MRPS27: variants seen among roughly 807,000 people sequenced by gnomAD.
The protein encoded by MRPS27 is mitochondrial ribosomal protein S27.
MRPS27 carries 43 observed loss-of-function variants against 48.9 expected under a neutral mutation model. That is an observed-to-expected ratio of 0.88 (90% CI 0.69 to 1.13). The LOEUF (loss-of-function observed/expected upper bound fraction) is 1.13. MRPS27 is among the 50% of genes most tolerant of loss of function. MRPS27 has a pLI of 0.00. For missense variants in MRPS27, 467 were observed against 476.3 expected (o/e 0.98, Z 0.18); for synonymous variants, 188 against 171.9 (o/e 1.09, Z -0.73).
intron 4 of MRPS27, among the ~76,000 whole-genome samples, chr5:72,290,220 G>C (rs1018159101): frequency 6.6e-6 from 1 of 152,122 alleles, no homozygotes; most frequent in Non-Finnish European, 1.5e-5. Flanking sequence ...GGAAAGCTCA[G>C]AACTACAGAC....
At chr5:72,279,647 A>G (rs2112031122) in intron 4 of MRPS27, among the ~76,000 whole-genome samples, 1 of 152,292 alleles carries the variant, frequency 6.6e-6, no homozygotes, top group African/African-American at 2.4e-5. Flanking sequence ...ATTCTGAATC[A>G]TGGAAGACAA....
At position 72,230,723 on chromosome 5, in the gene MRPS27, A is replaced by G. The variant is rs57598652; in HGVS notation, c.591+1720T>C. 8.7e-3 allele frequency among the ~76,000 whole-genome samples: 1,329 copies of G among 152,216 alleles called. 28 individuals carry two copies. The highest frequency in any genetic ancestry group is 0.029 in the African/African-American group (1,209 of 41,548). ...AATCTCGTGACTGTCTCAATTTCAA[A>G]ATGCAACATGTTCAGAGTCACATTA... is the stretch of plus-strand genomic sequence containing the variant. On this transcript the variant is annotated intron_variant, in intron 7 of 10. Transcript: ENST00000261413.
At chr5:72,243,322 TACTC>T (rs996677329) in intron 4 of MRPS27, among the ~76,000 whole-genome samples, 54 of 152,332 alleles carry the variant, frequency 3.5e-4, no homozygotes, top group Admixed American at 1.8e-3. Context: ...CAATCACTGC[TACTC>T]ACTTTCTCAT....
chr5:72,235,318 A>G (rs1478509784), intron 5 of MRPS27, among the ~76,000 whole-genome samples: 1 of 152,172 alleles, frequency 6.6e-6, no homozygotes, highest in African/African-American at 2.4e-5. Context: ...TTCTCAACCC[A>G]GGCTGCAAAT....
chr5:72,254,101 TC>T (rs1366734275), intron 4 of MRPS27, among the ~76,000 whole-genome samples: 2 of 152,296 alleles, frequency 1.3e-5, no homozygotes, highest in East Asian at 3.9e-4. Flanking sequence ...AGATTGAAAC[TC>T]CAATAATACT....
chr5:72,266,031 C>T (rs1749100007), intron 4 of MRPS27, among the ~76,000 whole-genome samples: 1 of 151,666 alleles, frequency 6.6e-6, no homozygotes, highest in Admixed American at 6.6e-5. Context: ...TAAAGCTTCA[C>T]CTAAGATAGT....
At chr5:72,274,932 A>G (rs1749335121) in intron 4 of MRPS27, among the ~76,000 whole-genome samples, 2 of 152,208 alleles carry the variant, frequency 1.3e-5, no homozygotes, top group Admixed American at 6.6e-5. Context: ...CCAGAAAGTA[A>G]GCAGAACATG....
Position 72,228,165 on chromosome 5 carries a change from T to C in MRPS27, c.694+101A>G. 2.8e-6 allele frequency: 3 copies of C among 1,060,218 alleles called. No individual in the cohort carries two copies. The South Asian group carries it at 4.2e-5, about 15-fold the overall frequency. 65.7% of individuals were successfully genotyped at this position (1,060,218 alleles called of 1,614,324 possible). ...TCTAAAAACGAAGGCTAATTGGATT[T>C]CACTGGTAAATTTAAATCAAATTAC... is the stretch of plus-strand genomic sequence containing the variant. On this transcript the variant is annotated intron_variant, in intron 8 of 10. Coordinates refer to ENST00000261413, the MANE Select transcript of MRPS27 (RefSeq NM_015084.3).
At chr5:72,299,302 A>G (rs1750068742) in intron 2 of MRPS27, among the ~76,000 whole-genome samples, 1 of 148,538 alleles carries the variant, frequency 6.7e-6, no homozygotes, top group African/African-American at 2.4e-5. Context: ...TTAGCTCATG[A>G]AAGAAAAAAA....
At chr5:72,278,571 T>G (rs1276269730) in intron 4 of MRPS27, among the ~76,000 whole-genome samples, 1 of 152,178 alleles carries the variant, frequency 6.6e-6, no homozygotes, top group African/African-American at 2.4e-5. Context: ...AACCCCATCC[T>G]GCTTCTTCAT....
At chr5:72,237,610 C>T (rs1748232497) in intron 5 of MRPS27, among the ~76,000 whole-genome samples, 1 of 152,078 alleles carries the variant, frequency 6.6e-6, no homozygotes, top group Admixed American at 6.6e-5. Context: ...CAGAAAGATC[C>T]TAATCCTAGA....
At chr5:72,297,543 T>C (rs772631400) in intron 3 of MRPS27, 89 bp downstream of exon 3, 2 of 760,692 alleles carry the variant, frequency 2.6e-6, no homozygotes, top group Non-Finnish European at 2.1e-6. Flanking sequence ...ATGCAAACTA[T>C]TTTTTATTTA....
intron 4 of MRPS27, among the ~76,000 whole-genome samples, chr5:72,280,362 T>C (rs1749503243): frequency 6.6e-6 from 1 of 152,190 alleles, no homozygotes; most frequent in Non-Finnish European, 1.5e-5. Context: ...CTTAAAAGAC[T>C]GGCAAGAAAC....
chr5:72,299,592 G>T (rs753384103), intron 2 of MRPS27, among the ~76,000 whole-genome samples: 2 of 152,210 alleles, frequency 1.3e-5, no homozygotes, highest in African/African-American at 4.8e-5. Context: ...TACCTACCCT[G>T]AACAAATCAG....
chr5:72,269,154 A>G (rs1360497954), intron 4 of MRPS27, among the ~76,000 whole-genome samples: 1 of 152,230 alleles, frequency 6.6e-6, no homozygotes, highest in Non-Finnish European at 1.5e-5. Flanking sequence ...CAGCACTGCC[A>G]GAAGGTGTGA....
chr5:72,278,013 T>C (rs1450663218), intron 4 of MRPS27, among the ~76,000 whole-genome samples: 2 of 152,252 alleles, frequency 1.3e-5, no homozygotes, highest in South Asian at 4.2e-4. Flanking sequence ...GACAGGTTGA[T>C]AGCTGCAGCA....
chr5:72,279,088 T>C (rs568816456), intron 4 of MRPS27, among the ~76,000 whole-genome samples: 122 of 152,320 alleles, frequency 8.0e-4, no homozygotes, highest in African/African-American at 2.9e-3. Flanking sequence ...GGTGACTATA[T>C]AATTTTAAAC....
intron 4 of MRPS27, 25 bp downstream of exon 4, chr5:72,295,506 T>G: frequency 6.4e-7 from 1 of 1,573,922 alleles, no homozygotes; most frequent in South Asian, 1.1e-5. Context: ...ACAGAGTACA[T>G]AGCCAAATCA....
intron 4 of MRPS27, among the ~76,000 whole-genome samples, chr5:72,279,302 T>C (rs533807906): frequency 1.3e-5 from 2 of 152,350 alleles, no homozygotes; most frequent in East Asian, 3.9e-4. Flanking sequence ...GTTCATATTC[T>C]CTATCCACTT....
Sources: allele counts gnomAD v4.1 joint callset (sites outside exome capture counted in the v4.1 genomes callset), GRCh38; gene constraint gnomAD v4.1.1; transcripts MANE v1.5; gene names NCBI Gene and HGNC (gene_info 2026-07-23, HGNC 2026-07-21).